Variants in TRAK1 observed in about 807,000 individuals in gnomAD.
The protein encoded by TRAK1 is trafficking kinesin-binding protein 1.
A neutral mutation model predicts 92.1 loss-of-function variants in TRAK1; 33 were observed. The ratio of observed to expected loss-of-function variants is 0.36; its 90% CI spans 0.27 to 0.48. The LOEUF (loss-of-function observed/expected upper bound fraction) is 0.48, where lower values mean the gene tolerates loss of function less well. Among genes scored for constraint, TRAK1 ranks in the 20% least tolerant of loss-of-function variants. The pLI is 0.99. For synonymous variants in TRAK1, 521 were observed against 517.3 expected, an observed-to-expected ratio of 1.01 and a Z score of -0.10; for missense variants, 1,123 against 1,257.9, an observed-to-expected ratio of 0.89 and a Z score of 1.62.
chr3:42,124,401 C>T lies in TRAK1; in HGVS notation c.92-1019C>T, dbSNP rs1015394736. On this transcript the variant is annotated intron_variant, in intron 1 of 15. Coordinates refer to ENST00000327628, the MANE Select transcript of TRAK1 (RefSeq NM_001042646.3). Reference sequence around the variant, plus strand: ...TTAGTTGATAGATAATTACCACTCACCCATTAGCACTTATTTAATTCAGTC... The same window carrying T: ...TTAGTTGATAGATAATTACCACTCATCCATTAGCACTTATTTAATTCAGTC... Among the ~76,000 whole-genome samples the T allele has an allele frequency of 7.2e-5, 11 of 152,280 alleles. No homozygotes were observed. In the South Asian group the frequency reaches 1.4e-3, roughly 20 times the overall value.
At chr3:42,030,744 A>G (rs1702109363) in intron 1 of TRAK1, among the ~76,000 whole-genome samples, 1 of 132,942 alleles carries the variant, frequency 7.5e-6, no homozygotes, top group East Asian at 2.1e-4. Flanking sequence ...ATATATATGT[A>G]ACTTGTTGGT....
At position 42,138,861 on chromosome 3, in the gene TRAK1, A is replaced by G. The variant is rs748400942; in HGVS notation, c.286+13247A>G. Among the ~76,000 whole-genome samples the G allele has an allele frequency of 1.1e-3, 156 of 145,406 alleles. 1 individual carries two copies. In the Middle Eastern group the frequency reaches 0.014, roughly 13 times the overall value. ...TATTATTTTATGAGGTGGTGACCTAAAAGAAAGCATAGGGGGTGTGTGTGT... is the reference window on the plus strand; with the variant it reads ...TATTATTTTATGAGGTGGTGACCTAGAAGAAAGCATAGGGGGTGTGTGTGT... On this transcript the variant is annotated intron_variant, in intron 2 of 15. Coordinates refer to ENST00000327628, the MANE Select transcript of TRAK1 (RefSeq NM_001042646.3).
At chr3:42,041,179 A>C (rs1702527117) in intron 1 of TRAK1, among the ~76,000 whole-genome samples, 1 of 149,432 alleles carries the variant, frequency 6.7e-6, no homozygotes. Context: ...TAGGAGTTGC[A>C]TTGAATCTGT....
At chr3:42,060,350 G>T (rs1217042356) in intron 1 of TRAK1, among the ~76,000 whole-genome samples, 1 of 149,308 alleles carries the variant, frequency 6.7e-6, no homozygotes, top group Non-Finnish European at 1.5e-5. Context: ...GTGGGGGGTG[G>T]TGGTGGGTGA....
At chr3:42,138,724 TA>T (rs56107300) in intron 2 of TRAK1, among the ~76,000 whole-genome samples, 6,447 of 133,216 alleles carry the variant, frequency 0.048, 395 homozygotes, top group African/African-American at 0.14. Context: ...CCATATCTAT[TA>T]AAAAAAAAAA....
At chr3:42,048,835 GATT>G (rs898335850) in intron 1 of TRAK1, among the ~76,000 whole-genome samples, 8 of 151,658 alleles carry the variant, frequency 5.3e-5, no homozygotes, top group Non-Finnish European at 5.9e-5. Context: ...AAAGTGCTGG[GATT>G]ACAGATGTGA....
chr3:42,186,436 C>T (rs1243797317), intron 4 of TRAK1, among the ~76,000 whole-genome samples: 3 of 152,118 alleles, frequency 2.0e-5, no homozygotes, highest in Non-Finnish European at 2.9e-5. Context: ...GAAGCATAGT[C>T]GCCACTATGT....
intron 2 of TRAK1, among the ~76,000 whole-genome samples, chr3:42,128,670 A>G (rs1710904066): frequency 6.6e-6 from 1 of 152,244 alleles, no homozygotes; most frequent in African/African-American, 2.4e-5. Context: ...ACACATAGGC[A>G]CAGTGGTATT....
chr3:42,200,922 C>T lies in TRAK1; in HGVS notation c.1295C>T (p.Ser432Leu), dbSNP rs138673537. 2.3e-5 allele frequency: 37 copies of T among 1,614,054 alleles called. No homozygotes were observed. In the African/African-American group the frequency reaches 2.8e-4, roughly 12 times the overall value. ...PMNIPGSNQS[S>L]AMNSLLSSCV... ...AACATCCCCGGCTCCAACCAGTCCT[C>T]GGCCATGAACTCCCTCCTGTCCAGC... Residue 432 changes from serine to leucine, a missense_variant, in exon 12 of 16, where the codon TCG (serine) becomes TTG (leucine). Ser to Leu is a moderately radical substitution (Grantham distance 145). Coordinates refer to ENST00000327628, the MANE Select transcript of TRAK1 (RefSeq NM_001042646.3).
chr3:42,221,338 C>T (rs1246926043), intron 15 of TRAK1, among the ~76,000 whole-genome samples: 3 of 152,094 alleles, frequency 2.0e-5, no homozygotes. Context: ...AGTCCCCCAG[C>T]CCACCAGCAT....
intron 1 of TRAK1, among the ~76,000 whole-genome samples, chr3:42,026,251 A>G (rs1022393276): frequency 6.6e-6 from 1 of 152,206 alleles, no homozygotes; most frequent in Non-Finnish European, 1.5e-5. Flanking sequence ...TTTCATAGAA[A>G]GTATAAGAAA....
At chr3:42,061,476 G>A (rs1703442862) in intron 1 of TRAK1, among the ~76,000 whole-genome samples, 1 of 152,022 alleles carries the variant, frequency 6.6e-6, no homozygotes, top group Non-Finnish European at 1.5e-5. Flanking sequence ...AAGCAGGCAA[G>A]GAGCTACTTT....
At chr3:42,039,827 T>A (rs979938672) in intron 1 of TRAK1, among the ~76,000 whole-genome samples, 3 of 152,238 alleles carry the variant, frequency 2.0e-5, no homozygotes, top group African/African-American at 7.2e-5. Context: ...TGCACCATTT[T>A]ACATTTCCAC....
intron 2 of TRAK1, among the ~76,000 whole-genome samples, chr3:42,136,572 G>C (rs1008823653): frequency 2.0e-5 from 3 of 152,032 alleles, no homozygotes; most frequent in East Asian, 1.9e-4. Context: ...GTAGTGAGCT[G>C]TGATCATGCC....
At chr3:42,151,491 C>T (rs941040305) in intron 2 of TRAK1, 2 of 383,746 alleles carry the variant, frequency 5.2e-6, no homozygotes, top group South Asian at 3.9e-5. Flanking sequence ...GTATGTTGAG[C>T]AAAATACTTG....
chr3:42,134,207 C>CCCTT (rs1697606058), intron 2 of TRAK1, among the ~76,000 whole-genome samples: 1 of 68,050 alleles, frequency 1.5e-5, no homozygotes, highest in Non-Finnish European at 2.8e-5. Flanking sequence ...CTTCCCCTTC[C>CCCTT]CCCCTCCCCT....
intron 8 of TRAK1, among the ~76,000 whole-genome samples, 165 bp from the exon 9 acceptor site, chr3:42,193,659 G>T (rs1270500967): frequency 6.6e-6 from 1 of 152,112 alleles, no homozygotes; most frequent in East Asian, 1.9e-4. Flanking sequence ...TGTGGATATA[G>T]GAAAGACTTT....
At chr3:42,217,096 T>C (rs1157369200) in intron 14 of TRAK1, 16 of 236,728 alleles carry the variant, frequency 6.8e-5, no homozygotes. Flanking sequence ...TCTCTCTCTC[T>C]CTTTTTTTTT....
intron 2 of TRAK1, among the ~76,000 whole-genome samples, chr3:42,164,744 A>G (rs921245987): frequency 6.6e-5 from 10 of 152,306 alleles, no homozygotes; most frequent in Admixed American, 5.9e-4. Flanking sequence ...ACAATGAGAA[A>G]GCAAAATTGA....
Sources: gnomAD v4.1 joint callset for allele counts (sites outside exome capture counted in the v4.1 genomes callset) on GRCh38, gnomAD v4.1.1 for gene constraint, MANE v1.5 for transcripts, NCBI Gene and HGNC (gene_info 2026-07-23, HGNC 2026-07-21) for gene names.